Variants in COLEC11 observed in about 807,000 individuals in gnomAD.
The protein encoded by COLEC11 is collectin subfamily member 11.
Under a neutral mutation model 27.3 loss-of-function variants are expected in COLEC11, and 20 were observed. The ratio of observed to expected loss-of-function variants is 0.73; its 90% CI spans 0.51 to 1.06. The LOEUF (loss-of-function observed/expected upper bound fraction) is 1.06, where lower values mean the gene tolerates loss of function less well. COLEC11 is among the 50% of genes least tolerant of loss of function. The pLI is 0.00. For synonymous variants in COLEC11, 163 were observed against 154.7 expected (o/e 1.05, Z -0.40); for missense variants, 310 against 383.0 (o/e 0.81, Z 1.59).
intron 2 of COLEC11, chr2:3,606,251 G>T (rs892435687): frequency 6.5e-7 from 1 of 1,549,864 alleles, no homozygotes; most frequent in Non-Finnish European, 8.7e-7. Flanking sequence ...CAGGTCAGTA[G>T]CCTGCACTGG....
At chr2:3,633,193 AGGACCGGGATG>A (rs1665139546) in intron 3 of COLEC11, among the ~76,000 whole-genome samples, 1 of 152,184 alleles carries the variant, frequency 6.6e-6, no homozygotes, top group African/African-American at 2.4e-5. Context: ...CAAGTAGACC[AGGACCGGGATG>A]GTGAGGCCCA....
intron 2 of COLEC11, among the ~76,000 whole-genome samples, chr2:3,606,485 C>G (rs1262360994): frequency 1.3e-5 from 2 of 152,182 alleles, no homozygotes; most frequent in African/African-American, 4.8e-5. Context: ...TCCTCCCAAG[C>G]CTCGGCCTCC....
At chr2:3,622,168 C>CA (rs1211301931) in intron 3 of COLEC11, among the ~76,000 whole-genome samples, 3,103 of 85,354 alleles carry the variant, frequency 0.036, 133 homozygotes, top group African/African-American at 0.12. Context: ...GACTCCATCT[C>CA]AAAAAAAAAA....
In COLEC11 at chr2:3,643,980, C is replaced by T. The variant is rs1332983383; in HGVS notation, c.678C>T (p.Asn226=). The T allele has an allele frequency of 7.4e-6, 12 of 1,614,052 alleles. No homozygotes were observed. Among genetic ancestry groups the T allele is most frequent in the Non-Finnish European group, 9.3e-6 (11 of 1,180,062 alleles). ...YSDHSPMRTF[N]KWRSGEPNNA... The stretch of plus-strand genomic sequence containing the variant: ...ACCACTCCCCCATGCGGACCTTCAA[C>T]AAGTGGCGCAGCGGTGAGCCCAACA... Residue 226 remains asparagine, a synonymous_variant, in exon 7 of 7, where the codon AAC becomes AAT. Coordinates refer to ENST00000349077, the MANE Select transcript of COLEC11 (RefSeq NM_024027.5).
At chr2:3,625,543 G>A (rs1445897630) in intron 3 of COLEC11, among the ~76,000 whole-genome samples, 1 of 152,044 alleles carries the variant, frequency 6.6e-6, no homozygotes, top group Non-Finnish European at 1.5e-5. Context: ...CAGCTTAGGG[G>A]AGGGGCGTTT....
At chr2:3,608,128 G>C (rs752722654) in intron 2 of COLEC11, among the ~76,000 whole-genome samples, 4 of 152,224 alleles carry the variant, frequency 2.6e-5, no homozygotes, top group African/African-American at 9.6e-5. Context: ...CGCCTTCCTA[G>C]CTGGGTTGGA....
At chr2:3,613,497 G>C in intron 3 of COLEC11, 115 bp downstream of exon 3, 1 of 1,100,408 alleles carries the variant, frequency 9.1e-7, no homozygotes, top group Non-Finnish European at 1.3e-6. Context: ...CCTGCCCTCT[G>C]GGTCCCAGGG....
chr2:3,642,452 CTCA>C (rs1346947654), intron 5 of COLEC11, among the ~76,000 whole-genome samples: 4 of 152,170 alleles, frequency 2.6e-5, no homozygotes, highest in Admixed American at 2.6e-4. Flanking sequence ...CCATGTCCCT[CTCA>C]TCAGGCCACT....
chr2:3,608,933 C>T (rs1334139848), intron 2 of COLEC11, among the ~76,000 whole-genome samples: 1 of 152,192 alleles, frequency 6.6e-6, no homozygotes, highest in Non-Finnish European at 1.5e-5. Flanking sequence ...TTGTTCAATC[C>T]CCATCAGAGC....
intron 3 of COLEC11, among the ~76,000 whole-genome samples, chr2:3,629,216 GGTTGTGGTATGAA>G (rs1664793927): frequency 6.6e-6 from 1 of 152,204 alleles, no homozygotes; most frequent in South Asian, 2.1e-4. Context: ...CTACAGAAAA[GGTTGTGGTATGAA>G]GTAGAGAATG....
chr2:3,603,213 T>C (rs1323348785), intron 1 of COLEC11, among the ~76,000 whole-genome samples: 2 of 152,246 alleles, frequency 1.3e-5, no homozygotes, highest in Non-Finnish European at 2.9e-5. Flanking sequence ...CCTTCTGGCC[T>C]GTCCCTCTCT....
chr2:3,608,853 G>C (rs953893146), intron 2 of COLEC11, among the ~76,000 whole-genome samples: 1 of 152,266 alleles, frequency 6.6e-6, no homozygotes, highest in African/African-American at 2.4e-5. Context: ...CCTCAGTGCT[G>C]TTGGTCCTGA....
At position 3,633,835 on chromosome 2, in the gene COLEC11, C is replaced by T. The variant is rs184783502; in HGVS notation, c.203-3698C>T. Among the ~76,000 whole-genome samples the T allele has an allele frequency of 3.9e-5, 6 of 152,030 alleles. No individual in the cohort carries two copies. The East Asian group carries it at 1.2e-3, about 29-fold the overall frequency. On this transcript the variant is annotated intron_variant, in intron 3 of 6. Transcript: ENST00000349077. ...CATGGTCAGCACAGAACCTCAGGAC[C>T]GGTGCGGTGGAGAGCTGGGTACAGG... is the stretch of plus-strand genomic sequence containing the variant.
chr2:3,625,676 A>G (rs1234121327), intron 3 of COLEC11, among the ~76,000 whole-genome samples: 4 of 119,258 alleles, frequency 3.4e-5, no homozygotes, highest in African/African-American at 1.3e-4. Context: ...TCTGTTGTCA[A>G]GGCTGGAGTA....
chr2:3,624,886 T>G (rs577409168), intron 3 of COLEC11, among the ~76,000 whole-genome samples: 1 of 152,296 alleles, frequency 6.6e-6, no homozygotes, highest in African/African-American at 2.4e-5. Context: ...CTAATTAGAT[T>G]ATACATTCCT....
At chr2:3,605,166 G>A in intron 2 of COLEC11, 3 of 460,942 alleles carry the variant, frequency 6.5e-6, no homozygotes, top group Non-Finnish European at 1.3e-5. Context: ...AAATGAAAAT[G>A]TGGGCCCCTT....
chr2:3,598,777 T>C (rs909604709), intron 1 of COLEC11, among the ~76,000 whole-genome samples: 1 of 151,978 alleles, frequency 6.6e-6, no homozygotes, highest in African/African-American at 2.4e-5. Context: ...GAGAGGAGGC[T>C]GCAGGCGGAG....
intron 1 of COLEC11, among the ~76,000 whole-genome samples, chr2:3,596,380 A>C (rs1455137329): frequency 2.3e-5 from 3 of 131,610 alleles, no homozygotes; most frequent in African/African-American, 9.0e-5. Flanking sequence ...TCTGTCACCC[A>C]GGCTGGAGTG....
At chr2:3,616,068 C>T (rs931041847) in intron 3 of COLEC11, among the ~76,000 whole-genome samples, 1 of 151,790 alleles carries the variant, frequency 6.6e-6, no homozygotes, top group African/African-American at 2.4e-5. Context: ...AGACGCTCCT[C>T]ACCTCCCAGA....
Sources: gnomAD v4.1 joint callset for allele counts (sites outside exome capture counted in the v4.1 genomes callset) on GRCh38, gnomAD v4.1.1 for gene constraint, MANE v1.5 for transcripts, NCBI Gene and HGNC (gene_info 2026-07-23, HGNC 2026-07-21) for gene names.